MAL2: variants seen among roughly 807,000 people sequenced by gnomAD.
MAL2 encodes the protein mal, T cell differentiation protein 2.
In MAL2, 17 loss-of-function variants were observed where a neutral mutation model predicts 18.1. That is an observed-to-expected ratio of 0.94 (90% CI 0.64 to 1.41). MAL2 has a LOEUF of 1.41. Among genes scored for constraint, MAL2 ranks in the 40% most tolerant of loss-of-function variants. The pLI is 0.00. For synonymous variants in MAL2, 102 were observed against 102.3 expected (o/e 1.00, Z 0.02); for missense variants, 222 against 231.9 (o/e 0.96, Z 0.28).
rs199880301 is a variant in MAL2, at chr8:119,233,448, AAAG to A, written c.304-6715_304-6713del. 7.8e-3 allele frequency among the ~76,000 whole-genome samples: 1,192 copies of A among 152,308 alleles called. 15 individuals carry two copies. Among genetic ancestry groups the A allele is most frequent in the African/African-American group, 0.025 (1,046 of 41,556 alleles). On this transcript the variant is annotated intron_variant, in intron 2 of 3. Transcript: ENST00000614891. ...CTGCTAGCAAGACTAATAAAGAAGA[AAAG>A]AGAGAAGAATCAAATAGACGCAATA...
chr8:119,240,185 A>G lies in MAL2; in HGVS notation c.324A>G (p.Thr108=), dbSNP rs772172579. ...TTTAGGATTTTGCCTACCATTTTAC[A>G]GTATTTGTCTTCTATTTTGGAGCCT... ...WNFLDFAYHF[T]VFVFYFGAFL... is the part of the protein sequence containing the mutation. Residue 108 remains threonine (T), a synonymous_variant, in exon 3 of 4, where the codon ACA becomes ACG. Transcript: ENST00000614891. 12 of 1,613,400 alleles carry G rather than the reference A, an allele frequency of 7.4e-6. No individual in the cohort carries two copies. Among genetic ancestry groups the G allele is most frequent in the Middle Eastern group, 1.7e-4 (1 of 6,056 alleles).
chr8:119,227,123 T>G lies in MAL2; in HGVS notation c.303+5366T>G, dbSNP rs1817612777. Among the ~76,000 whole-genome samples the G allele has an allele frequency of 2.0e-5, 3 of 151,988 alleles. No individual in the cohort carries two copies. The South Asian group carries it at 6.2e-4, about 32-fold the overall frequency. Reference sequence around the variant, plus strand: ...AGATCTAGCAGTTGCTGTCAAAGAGTTTGTTGTAGTAGACAATGTAAGTAA... The same window carrying G: ...AGATCTAGCAGTTGCTGTCAAAGAGGTTGTTGTAGTAGACAATGTAAGTAA... On this transcript the variant is annotated intron_variant, in intron 2 of 3. Coordinates refer to ENST00000614891, the MANE Select transcript of MAL2 (RefSeq NM_052886.3).
At chr8:119,228,326 C>A (rs1369949390) in intron 2 of MAL2, among the ~76,000 whole-genome samples, 2 of 152,046 alleles carry the variant, frequency 1.3e-5, no homozygotes, top group African/African-American at 4.8e-5. Context: ...GACCCCTGAC[C>A]ATGAAAAACC....
intron 3 of MAL2, among the ~76,000 whole-genome samples, chr8:119,241,927 G>C (rs1215660447): frequency 6.6e-6 from 1 of 152,096 alleles, no homozygotes; most frequent in Non-Finnish European, 1.5e-5. Flanking sequence ...TCATAAAGCT[G>C]CCTCTACCCA....
intron 1 of MAL2, among the ~76,000 whole-genome samples, chr8:119,219,011 T>A (rs749043331): frequency 6.6e-6 from 1 of 152,226 alleles, no homozygotes; most frequent in African/African-American, 2.4e-5. Context: ...ATTGATCCAC[T>A]GAAGACATAC....
chr8:119,236,818 T>C (rs1225739744), intron 2 of MAL2, among the ~76,000 whole-genome samples: 2 of 151,040 alleles, frequency 1.3e-5, no homozygotes, highest in Admixed American at 1.3e-4. Flanking sequence ...TTTATAACAC[T>C]AAATGCCCAC....
At chr8:119,225,886 T>C (rs1396662891) in intron 2 of MAL2, among the ~76,000 whole-genome samples, 1 of 152,264 alleles carries the variant, frequency 6.6e-6, no homozygotes, top group Non-Finnish European at 1.5e-5. Context: ...GTGAGCATTT[T>C]TTCATGTGTC....
Position 119,230,690 on chromosome 8 carries a change from T to C in MAL2, c.303+8933T>C, listed in dbSNP as rs146031265. Among the ~76,000 whole-genome samples, 432 of 152,298 alleles carry C rather than the reference T, an allele frequency of 2.8e-3. 1 individual carries two copies. Among genetic ancestry groups the C allele is most frequent in the African/African-American group, 9.8e-3 (407 of 41,584 alleles). On this transcript the variant is annotated intron_variant, in intron 2 of 3. Coordinates refer to ENST00000614891, the MANE Select transcript of MAL2 (RefSeq NM_052886.3). ...GATAAACTATTTCTGATGATTCACC[T>C]CAGTAAGTTAAATGAGTGCCTAATG...
At chr8:119,236,562 A>T (rs1817901064) in intron 2 of MAL2, among the ~76,000 whole-genome samples, 1 of 151,796 alleles carries the variant, frequency 6.6e-6, no homozygotes, top group African/African-American at 2.4e-5. Context: ...CTCCTCAGCA[A>T]ATGTAAAAGA....
intron 3 of MAL2, 125 bp from the exon 4 acceptor site, chr8:119,243,292 T>C: frequency 1.8e-6 from 1 of 569,200 alleles, no homozygotes. Flanking sequence ...ATGTAAAATA[T>C]TTTTGTAAGT....
chr8:119,231,158 A>G, intron 2 of MAL2, among the ~76,000 whole-genome samples: 1 of 152,058 alleles, frequency 6.6e-6, no homozygotes, highest in Non-Finnish European at 1.5e-5. Flanking sequence ...CAGCCTCCCA[A>G]GTAGCTGGGA....
At chr8:119,219,393 T>C (rs554584353) in intron 1 of MAL2, among the ~76,000 whole-genome samples, 1 of 152,320 alleles carries the variant, frequency 6.6e-6, no homozygotes, top group South Asian at 2.1e-4. Context: ...TTTGGATATC[T>C]AGATACTGAA....
In MAL2 at chr8:119,243,306, G is replaced by A. The variant is rs375629545; in HGVS notation, c.460-111G>A. On this transcript the variant is annotated intron_variant, in intron 3 of 3. Transcript: ENST00000614891. The stretch of plus-strand genomic sequence containing the variant: ...AATGTAAAATATTTTTGTAAGTGTC[G>A]AAGTATCTTTAGGTAGATTGTTGGT... The A allele has an allele frequency of 7.2e-5, 44 of 611,718 alleles. 1 individual carries two copies. Among genetic ancestry groups the A allele is most frequent in the Middle Eastern group, 6.5e-4 (2 of 3,054 alleles). 37.9% of individuals were successfully genotyped at this position (611,718 alleles called of 1,614,324 possible).
At chr8:119,234,131 G>A (rs1817810637) in intron 2 of MAL2, among the ~76,000 whole-genome samples, 1 of 152,206 alleles carries the variant, frequency 6.6e-6, no homozygotes, top group Non-Finnish European at 1.5e-5. Context: ...GCAGGGCGAG[G>A]CATTGCCTCA....
intron 1 of MAL2, among the ~76,000 whole-genome samples, chr8:119,216,136 G>C (rs1471037134): frequency 6.6e-6 from 1 of 152,032 alleles, no homozygotes; most frequent in Non-Finnish European, 1.5e-5. Flanking sequence ...CTGAACTTCT[G>C]GGTGGGGGGG....
At chr8:119,226,288 T>C (rs947129575) in intron 2 of MAL2, among the ~76,000 whole-genome samples, 1 of 152,124 alleles carries the variant, frequency 6.6e-6, no homozygotes, top group Admixed American at 6.5e-5. Context: ...CATTTAAGTC[T>C]TCAATCCATC....
intron 1 of MAL2, among the ~76,000 whole-genome samples, chr8:119,218,483 A>T (rs1210698694): frequency 1.3e-5 from 2 of 151,536 alleles, no homozygotes; most frequent in African/African-American, 4.8e-5. Flanking sequence ...TCTTCCCATT[A>T]TATTTCTTCT....
intron 2 of MAL2, among the ~76,000 whole-genome samples, chr8:119,239,835 A>G (rs1191585676): frequency 6.7e-6 from 1 of 149,166 alleles, no homozygotes; most frequent in African/African-American, 2.4e-5. Context: ...GCAGCACACT[A>G]GCATGGCACA....
chr8:119,237,367 G>C (rs1040325386), intron 2 of MAL2, among the ~76,000 whole-genome samples: 6 of 151,614 alleles, frequency 4.0e-5, no homozygotes, highest in African/African-American at 1.5e-4. Context: ...GTACAAGGAG[G>C]AACTGGTACC....
Sources: allele counts gnomAD v4.1 joint callset (sites outside exome capture counted in the v4.1 genomes callset), GRCh38; gene constraint gnomAD v4.1.1; transcripts MANE v1.5; gene names NCBI Gene and HGNC (gene_info 2026-07-23, HGNC 2026-07-21).